PDXK: variants seen among roughly 807,000 people sequenced by gnomAD.
The protein encoded by PDXK is pyridoxal kinase.
In PDXK, 15 loss-of-function variants were observed where a neutral mutation model predicts 43.2. The observed-to-expected ratio is 0.35, with a 90% CI of 0.23 to 0.53. The LOEUF is 0.53. Ranked by LOEUF, PDXK falls within the 20% of genes least tolerant of loss-of-function variation. The probability of loss-of-function intolerance (pLI) is 0.92; values close to 1 mark genes in which losing one functional copy is unlikely to be tolerated. For synonymous variants in PDXK, 172 were observed against 165.4 expected, an observed-to-expected ratio of 1.04 and a Z score of -0.31; for missense variants, 343 against 417.0, an observed-to-expected ratio of 0.82 and a Z score of 1.54.
At chr21:43,736,206 TTTTA>T (rs1399674028) in intron 2 of PDXK, among the ~76,000 whole-genome samples, 1 of 152,148 alleles carries the variant, frequency 6.6e-6, no homozygotes, top group Non-Finnish European at 1.5e-5. Context: ...CCAGGAAGCA[TTTTA>T]CTGGTCCTGA....
intron 3 of PDXK, among the ~76,000 whole-genome samples, chr21:43,743,215 C>CA (rs1162129292): frequency 1.4e-4 from 11 of 78,362 alleles, no homozygotes; most frequent in South Asian, 6.2e-4. Flanking sequence ...TCCCTCCCCC[C>CA]GCCCCCAGCA....
chr21:43,732,636 T>A lies in PDXK; in HGVS notation c.88-1433T>A. ...GTGTCATCGTTGCTTAATATCTGTTTCTTCACAGTCGGTTAGAATTTTAAA... is the reference window on the plus strand; with the variant it reads ...GTGTCATCGTTGCTTAATATCTGTTACTTCACAGTCGGTTAGAATTTTAAA... On this transcript the variant is annotated intron_variant, in intron 1 of 10. Coordinates refer to ENST00000291565, the MANE Select transcript of PDXK (RefSeq NM_003681.5). The surrounding 1 kb of genome is among the most constrained non-coding windows in gnomAD (Gnocchi z 4.1). 2 of 782,126 alleles carry A rather than the reference T, an allele frequency of 2.6e-6. No individual in the cohort carries two copies. The highest frequency in any genetic ancestry group is 4.8e-6 in the Non-Finnish European group (2 of 420,178). 48.4% of individuals were successfully genotyped at this position (782,126 alleles called of 1,614,324 possible). A position where few individuals can be genotyped will look rare whatever the true frequency, so the allele number is the denominator to read the frequency against.
Position 43,743,885 on chromosome 21 carries a change from G to A in PDXK, c.331+78G>A, listed in dbSNP as rs73375218. 4.7e-3 allele frequency: 4,453 copies of A among 946,854 alleles called. 101 individuals are homozygous for A. In the African/African-American group the frequency reaches 0.058, roughly 12 times the overall value. 58.7% of individuals were successfully genotyped at this position (946,854 alleles called of 1,614,324 possible). A position where few individuals can be genotyped will look rare whatever the true frequency, so the allele number is the denominator to read the frequency against. ...CTGGCCTGGGAGCCCGGGAAGGGAC[G>A]TCTTAGCCTCCTTCCTCCTCTGCAC... On this transcript the variant is annotated intron_variant, in intron 4 of 10. Transcript: ENST00000291565.
chr21:43,733,253 A>ACCCCCCCCCCCCCCCCCC (rs1226314950), intron 1 of PDXK, among the ~76,000 whole-genome samples: 13 of 56,162 alleles, frequency 2.3e-4, no homozygotes, highest in Non-Finnish European at 3.0e-4. Context: ...CCCCATCCCC[A>ACCCCCCCCCCCCCCCCCC]CCCCCCCCCC....
chr21:43,730,877 C>G (rs1008994362), intron 1 of PDXK, among the ~76,000 whole-genome samples: 1 of 152,140 alleles, frequency 6.6e-6, no homozygotes, highest in African/African-American at 2.4e-5. Context: ...ATCCCTTGAT[C>G]CCAGGAGTTC....
chr21:43,719,951 A>G (rs1383416540), intron 1 of PDXK: 1 of 983,838 alleles, frequency 1.0e-6, no homozygotes, highest in Non-Finnish European at 1.2e-6. Flanking sequence ...GAGGTGGCCG[A>G]AGGGAAGAGG....
At chr21:43,721,655 T>A (rs1200918831) in intron 1 of PDXK, 1 of 152,242 alleles carries the variant, frequency 6.6e-6, no homozygotes, top group Non-Finnish European at 1.5e-5. Context: ...ACAATACCTG[T>A]TTGCAAGATA....
chr21:43,734,206 C>T lies in PDXK; in HGVS notation c.142+83C>T, dbSNP rs560704566. 154 of 1,320,426 alleles carry T rather than the reference C, an allele frequency of 1.2e-4. 1 individual carries two copies. Among genetic ancestry groups the T allele is most frequent in the South Asian group, 1.1e-3 (90 of 84,788 alleles). The allele number at this position is 1,320,426 out of a possible 1,614,324, so 81.8% of individuals were successfully genotyped here. ...CGGAGTGTGGGTGTGAGGGACGGGG[C>T]GGAGTGTGGGTGTGAGGGACGGGGC... is the stretch of plus-strand genomic sequence containing the variant. On this transcript the variant is annotated intron_variant, in intron 2 of 10. Coordinates refer to ENST00000291565, the MANE Select transcript of PDXK (RefSeq NM_003681.5). The surrounding 1 kb of genome is among the most constrained non-coding windows in gnomAD (Gnocchi z 5.0).
At chr21:43,725,962 TGC>T (rs2083249176) in intron 1 of PDXK, among the ~76,000 whole-genome samples, 1 of 152,202 alleles carries the variant, frequency 6.6e-6, no homozygotes, top group African/African-American at 2.4e-5. Flanking sequence ...CGTTCCCACG[TGC>T]TCTCCAGGCC....
At position 43,743,765 on chromosome 21, in the gene PDXK, A is replaced by C; in HGVS notation, c.289A>C (p.Ile97Leu). 1.2e-6 allele frequency: 2 copies of C among 1,613,830 alleles called. No individual in the cohort carries two copies. The highest frequency in any genetic ancestry group is 1.7e-6 in the Non-Finnish European group (2 of 1,179,814). The part of the protein sequence containing the change: ...DKSFLAMVVD[I>L]VQELKQQNPR... ...GTCGTTCCTGGCCATGGTGGTGGACATTGTGCAGGAGCTGAAGCAGCAGAA... is the reference window on the plus strand; with the variant it reads ...GTCGTTCCTGGCCATGGTGGTGGACCTTGTGCAGGAGCTGAAGCAGCAGAA... Residue 97 changes from isoleucine (I) to leucine (L), a missense_variant, in exon 4 of 11, where the codon ATT (isoleucine) becomes CTT (leucine). Coordinates refer to ENST00000291565, the MANE Select transcript of PDXK (RefSeq NM_003681.5).
intron 1 of PDXK, among the ~76,000 whole-genome samples, chr21:43,725,139 C>G (rs955407287): frequency 6.6e-6 from 1 of 151,842 alleles, no homozygotes; most frequent in African/African-American, 2.4e-5. Flanking sequence ...CTGGCTAACA[C>G]GGTAAAACCC....
At chr21:43,727,190 G>A (rs1031256460) in intron 1 of PDXK, among the ~76,000 whole-genome samples, 1 of 152,204 alleles carries the variant, frequency 6.6e-6, no homozygotes, top group Non-Finnish European at 1.5e-5. Context: ...TGGTGTCTGC[G>A]GGTGCACACC....
chr21:43,731,201 C>T (rs999453612), intron 1 of PDXK, among the ~76,000 whole-genome samples: 13 of 152,314 alleles, frequency 8.5e-5, no homozygotes, highest in South Asian at 2.1e-4. Flanking sequence ...CTGGCAATCG[C>T]GTGGCCCAAT....
chr21:43,752,826 G>A (rs961081440), intron 8 of PDXK, among the ~76,000 whole-genome samples, 197 bp downstream of exon 8: 1 of 152,188 alleles, frequency 6.6e-6, no homozygotes, highest in Admixed American at 6.5e-5. Context: ...GAATGGCCTG[G>A]CTGGAACTGG....
chr21:43,758,622 G>A lies in PDXK; in HGVS notation c.*2559G>A, dbSNP rs1601845962. ...TTCTCATCCAGGAAGGTAACCTTGG[G>A]CATTGGCAGTGGGTTTCCCTATGGC... On this transcript the variant is annotated 3_prime_UTR_variant, in exon 11 of 11. Transcript: ENST00000291565. 6.5e-6 allele frequency: 1 copy of A among 153,682 alleles called. No individual in the cohort carries two copies. Among genetic ancestry groups the A allele is most frequent in the Non-Finnish European group, 1.5e-5 (1 of 68,042 alleles). The allele number at this position is 153,682 out of a possible 1,614,324, so 9.5% of individuals were successfully genotyped here.
chr21:43,730,856 G>A (rs2083308632), intron 1 of PDXK, among the ~76,000 whole-genome samples: 2 of 152,192 alleles, frequency 1.3e-5, no homozygotes, highest in South Asian at 4.1e-4. Flanking sequence ...TCAGGAGGCT[G>A]AAGAGGGTGG....
intron 1 of PDXK, chr21:43,728,719 C>T: frequency 5.1e-6 from 5 of 985,630 alleles, no homozygotes; most frequent in Non-Finnish European, 6.0e-6. Flanking sequence ...GCTGCTCACA[C>T]CACCGGCCGA....
chr21:43,726,715 C>A (rs1207661726), intron 1 of PDXK, among the ~76,000 whole-genome samples: 1 of 152,152 alleles, frequency 6.6e-6, no homozygotes, highest in East Asian at 1.9e-4. Context: ...GCCTATTGGT[C>A]CCATTTTCTG....
At position 43,723,103 on chromosome 21, in the gene PDXK, A is replaced by G. The variant is rs2083221163; in HGVS notation, c.87+3722A>G. Among the ~76,000 whole-genome samples, 2 of 150,044 alleles carry G rather than the reference A, an allele frequency of 1.3e-5. No individual in the cohort carries two copies. Among genetic ancestry groups the G allele is most frequent in the Admixed American group, 6.6e-5 (1 of 15,098 alleles). The stretch of plus-strand genomic sequence containing the variant: ...TCCGCCCACCTCGGCCTCCCAAAGT[A>G]CTGGGATTACAGGCATGGGGCCACC... On this transcript the variant is annotated intron_variant, in intron 1 of 10. Transcript: ENST00000291565. This position sits in a 1 kb window ranked among gnomAD's most constrained non-coding sequence, Gnocchi z 4.1.
Sources: allele counts gnomAD v4.1 joint callset (sites outside exome capture counted in the v4.1 genomes callset), GRCh38; gene constraint gnomAD v4.1.1; non-coding constraint Gnocchi (gnomAD v3.1); transcripts MANE v1.5; gene names NCBI Gene and HGNC (gene_info 2026-07-23, HGNC 2026-07-21).